PRR16: variants seen among roughly 807,000 people sequenced by gnomAD.
PRR16 encodes the protein protein Largen.
Under a neutral mutation model 18.2 loss-of-function variants are expected in PRR16, and 6 were observed. The ratio of observed to expected loss-of-function variants is 0.33; its 90% CI spans 0.18 to 0.65. The LOEUF (loss-of-function observed/expected upper bound fraction) is 0.65, where lower values mean the gene tolerates loss of function less well. Ranked by LOEUF, PRR16 falls within the 30% of genes least tolerant of loss-of-function variation. PRR16 has a pLI of 0.74. For synonymous variants in PRR16, 151 were observed against 147.8 expected (o/e 1.02, Z -0.16); for missense variants, 412 against 376.6 (o/e 1.09, Z -0.78).
downstream of PRR16, among the ~76,000 whole-genome samples, chr5:120,691,251 G>A (rs979051732): frequency 6.6e-5 from 10 of 152,124 alleles, no homozygotes; most frequent in Non-Finnish European, 7.4e-5. Flanking sequence ...TCATAGCCCC[G>A]AACTTCGTAA....
At chr5:120,688,774 C>A (rs1358137843), downstream of PRR16, among the ~76,000 whole-genome samples, 2 of 152,182 alleles carry the variant, frequency 1.3e-5, no homozygotes, top group Admixed American at 6.5e-5. Context: ...CAAGGTAGAG[C>A]TTTCTAGCAA....
At chr5:120,561,366 A>T (rs1330617265) in intron 1 of PRR16, among the ~76,000 whole-genome samples, 1 of 151,760 alleles carries the variant, frequency 6.6e-6, no homozygotes, top group Non-Finnish European at 1.5e-5. Flanking sequence ...TAATTTCTTT[A>T]TTTACTCACT....
intron 1 of PRR16, among the ~76,000 whole-genome samples, chr5:120,532,963 C>T (rs756633760): frequency 4.6e-5 from 7 of 152,112 alleles, no homozygotes; most frequent in Non-Finnish European, 8.8e-5. Context: ...GTTTCTGGGT[C>T]GTTCTGTCTC....
chr5:120,469,663 A>G (rs540723580), intron 1 of PRR16, among the ~76,000 whole-genome samples: 3 of 152,212 alleles, frequency 2.0e-5, no homozygotes, highest in Admixed American at 2.0e-4. Flanking sequence ...GTTGTGTATA[A>G]ATAGAATTTA....
chr5:120,645,187 T>G (rs2150127434), intron 1 of PRR16, among the ~76,000 whole-genome samples: 1 of 152,190 alleles, frequency 6.6e-6, no homozygotes, highest in Admixed American at 6.6e-5. Context: ...TTAGAAAAAT[T>G]GAGTAAATAC....
intron 1 of PRR16, among the ~76,000 whole-genome samples, chr5:120,573,590 A>G (rs1168224799): frequency 6.6e-6 from 1 of 152,186 alleles, no homozygotes; most frequent in African/African-American, 2.4e-5. Flanking sequence ...ACCAGCTTAT[A>G]GGATACCTGA....
At chr5:120,603,110 A>T (rs1561568892) in intron 1 of PRR16, among the ~76,000 whole-genome samples, 1 of 151,764 alleles carries the variant, frequency 6.6e-6, no homozygotes. Flanking sequence ...CTTCTCTTTG[A>T]TTTTTTGGAA....
chr5:120,580,989 G>T (rs1464729651), intron 1 of PRR16, among the ~76,000 whole-genome samples: 1 of 151,910 alleles, frequency 6.6e-6, no homozygotes, highest in Non-Finnish European at 1.5e-5. Context: ...AGTATTTTGT[G>T]TGTGTGTTTC....
At chr5:120,559,265 A>G (rs564806604) in intron 1 of PRR16, among the ~76,000 whole-genome samples, 15 of 151,992 alleles carry the variant, frequency 9.9e-5, no homozygotes, top group Non-Finnish European at 1.6e-4. Context: ...TTTTTTGAGT[A>G]GTTTTATAGT....
intron 1 of PRR16, among the ~76,000 whole-genome samples, chr5:120,643,874 G>A (rs1311304502): frequency 2.0e-5 from 3 of 152,018 alleles, no homozygotes; most frequent in African/African-American, 4.8e-5. Flanking sequence ...GCATGGTGGT[G>A]GGTGTCTGTA....
At position 120,529,017 on chromosome 5, in the gene PRR16, AT is replaced by A. The variant is rs1030142269; in HGVS notation, c.159+64380del. Among the ~76,000 whole-genome samples the A allele has an allele frequency of 7.8e-4, 119 of 151,890 alleles. No individual in the cohort carries two copies. In the East Asian group the frequency reaches 0.01, roughly 13 times the overall value. Reference sequence around the variant, plus strand: ...TCATATTTTTCCATTTAATTAAATCATTTTTTTTATGATTCAATTTTTGTCT... The same window carrying A: ...TCATATTTTTCCATTTAATTAAATCATTTTTTTATGATTCAATTTTTGTCT... On this transcript the variant is annotated intron_variant, in intron 1 of 1. Coordinates refer to ENST00000407149, the MANE Select transcript of PRR16 (RefSeq NM_001300783.2).
chr5:120,483,317 A>G (rs1749682752), intron 1 of PRR16, among the ~76,000 whole-genome samples: 1 of 152,174 alleles, frequency 6.6e-6, no homozygotes. Flanking sequence ...CCTTCTTATA[A>G]ATCTATGATG....
At chr5:120,580,913 G>A (rs548908191) in intron 1 of PRR16, among the ~76,000 whole-genome samples, 1 of 152,300 alleles carries the variant, frequency 6.6e-6, no homozygotes, top group South Asian at 2.1e-4. Flanking sequence ...ATGTGCTGCT[G>A]GATTTGGTTT....
At chr5:120,570,404 C>T (rs1342261841) in intron 1 of PRR16, among the ~76,000 whole-genome samples, 1 of 152,072 alleles carries the variant, frequency 6.6e-6, no homozygotes, top group Non-Finnish European at 1.5e-5. Context: ...AGACAACCGC[C>T]AAATGCCCTG....
chr5:120,590,984 A>T (rs1236175118), intron 1 of PRR16, among the ~76,000 whole-genome samples: 1 of 152,034 alleles, frequency 6.6e-6, no homozygotes, highest in Non-Finnish European at 1.5e-5. Context: ...TTCAAATTAA[A>T]TAATTGTACT....
At chr5:120,486,572 A>G (rs1254074675) in intron 1 of PRR16, among the ~76,000 whole-genome samples, 1 of 152,132 alleles carries the variant, frequency 6.6e-6, no homozygotes, top group Admixed American at 6.5e-5. Context: ...GTAGATTGCA[A>G]AAATGTTCTC....
At chr5:120,670,993 G>A (rs1378010520) in intron 1 of PRR16, among the ~76,000 whole-genome samples, 1 of 152,072 alleles carries the variant, frequency 6.6e-6, no homozygotes, top group East Asian at 1.9e-4. Context: ...TTAGCATGGT[G>A]TTGAAGACCC....
intron 1 of PRR16, among the ~76,000 whole-genome samples, chr5:120,659,252 G>A (rs570591167): frequency 6.6e-6 from 1 of 151,920 alleles, no homozygotes; most frequent in Non-Finnish European, 1.5e-5. Context: ...TTGTTGGCTA[G>A]ATTTCATTGT....
intron 1 of PRR16, among the ~76,000 whole-genome samples, chr5:120,631,248 G>C (rs1755043576): frequency 1.3e-5 from 2 of 152,096 alleles, no homozygotes; most frequent in South Asian, 4.1e-4. Flanking sequence ...AACTAGCTTG[G>C]GTGGACAGAG....
Sources: gnomAD v4.1 joint callset for allele counts (sites outside exome capture counted in the v4.1 genomes callset) on GRCh38, gnomAD v4.1.1 for gene constraint, MANE v1.5 for transcripts, NCBI Gene and HGNC (gene_info 2026-07-23, HGNC 2026-07-21) for gene names.